Variants in ZNF423 observed in about 807,000 individuals in gnomAD.
ZNF423 encodes the protein Ebf-associated zinc finger protein.
In ZNF423, 12 loss-of-function variants were observed where a neutral mutation model predicts 95.8. The observed-to-expected ratio is 0.13, with a 90% CI of 0.08 to 0.20. The LOEUF is 0.20. Ranked by LOEUF, ZNF423 falls within the 10% of genes least tolerant of loss-of-function variation. The probability of loss-of-function intolerance (pLI) is 1.00; values close to 1 mark genes in which losing one functional copy is unlikely to be tolerated. For missense variants in ZNF423, 1,316 were observed against 1,737.1 expected (o/e 0.76, Z 4.31); for synonymous variants, 749 against 711.9 (o/e 1.05, Z -0.83).
intron 1 of ZNF423, among the ~76,000 whole-genome samples, chr16:49,794,178 G>A (rs1334773521): frequency 6.6e-6 from 1 of 151,998 alleles, no homozygotes; most frequent in Non-Finnish European, 1.5e-5. Context: ...TGGAGCCACA[G>A]GCACATGCCA....
At chr16:49,662,710 A>G (rs907833253) in intron 3 of ZNF423, among the ~76,000 whole-genome samples, 4 of 152,206 alleles carry the variant, frequency 2.6e-5, no homozygotes, top group Non-Finnish European at 4.4e-5. Flanking sequence ...CACTCTGGAC[A>G]GGTGACAAGG....
chr16:49,607,555 G>A (rs1971578881), intron 5 of ZNF423, among the ~76,000 whole-genome samples: 1 of 152,188 alleles, frequency 6.6e-6, no homozygotes, highest in Non-Finnish European at 1.5e-5. Flanking sequence ...CTTTAAAAGA[G>A]CAGCCCACGG....
chr16:49,502,594 C>A (rs1248940535), intron 7 of ZNF423, among the ~76,000 whole-genome samples: 2 of 151,948 alleles, frequency 1.3e-5, no homozygotes, highest in Non-Finnish European at 2.9e-5. Context: ...CCATAAGTAA[C>A]CCCCACACCT....
intron 6 of ZNF423, among the ~76,000 whole-genome samples, chr16:49,524,434 G>A (rs1042993149): frequency 2.6e-5 from 4 of 152,236 alleles, no homozygotes; most frequent in Admixed American, 6.5e-5. Flanking sequence ...GCCTCAGAGT[G>A]TGGCAGTGAC....
chr16:49,848,137 A>G (rs953043730), intron 1 of ZNF423, among the ~76,000 whole-genome samples: 3 of 152,084 alleles, frequency 2.0e-5, no homozygotes, highest in African/African-American at 7.2e-5. Context: ...TAAGATGGTA[A>G]ATTTTAAGTT....
At chr16:49,497,915 C>T (rs976211804) in intron 7 of ZNF423, among the ~76,000 whole-genome samples, 1 of 152,218 alleles carries the variant, frequency 6.6e-6, no homozygotes, top group Admixed American at 6.5e-5. Flanking sequence ...AAGTGAGGCA[C>T]AATCCTGGCC....
chr16:49,576,772 C>T (rs1970513503), intron 5 of ZNF423, among the ~76,000 whole-genome samples: 1 of 152,210 alleles, frequency 6.6e-6, no homozygotes, highest in African/African-American at 2.4e-5. Flanking sequence ...TCCATTGGCA[C>T]TGGGTGTGAT....
intron 1 of ZNF423, among the ~76,000 whole-genome samples, chr16:49,817,009 T>A (rs1178841290): frequency 1.3e-5 from 2 of 152,184 alleles, no homozygotes; most frequent in Non-Finnish European, 2.9e-5. Flanking sequence ...TGTGTCTATT[T>A]TAGATAAGAA....
At chr16:49,811,399 G>A (rs1023302840) in intron 1 of ZNF423, among the ~76,000 whole-genome samples, 3 of 152,094 alleles carry the variant, frequency 2.0e-5, no homozygotes, top group East Asian at 1.9e-4. Flanking sequence ...AACACTGGGG[G>A]TGGAGGAGAC....
In ZNF423 at chr16:49,815,898, ATATATATATATATATATTTTTTT is replaced by A. The variant is rs1195422431; in HGVS notation, c.41-26375_41-26353del. On this transcript the variant is annotated intron_variant, in intron 1 of 7. Coordinates refer to ENST00000563137, the MANE Select transcript of ZNF423 (RefSeq NM_001379286.1). ...AAAAAAAAAATATATATATATATAT[ATATATATATATATATATTTTTTT>A]TTTTTTTTTTTTTTTGAGACAAAGT... 4.0e-4 allele frequency among the ~76,000 whole-genome samples: 19 copies of A among 47,776 alleles called. 1 individual carries two copies. The highest frequency in any genetic ancestry group is 1.5e-3 in the African/African-American group (16 of 10,614). 31.3% of individuals were successfully genotyped at this position (47,776 alleles called of 152,430 possible).
At chr16:49,648,543 T>C (rs1019478649) in intron 3 of ZNF423, among the ~76,000 whole-genome samples, 7 of 151,560 alleles carry the variant, frequency 4.6e-5, no homozygotes, top group African/African-American at 1.7e-4. Flanking sequence ...TCCCAGCTAT[T>C]CAGGAGGCTG....
chr16:49,839,038 C>A (rs1347607185), intron 1 of ZNF423, among the ~76,000 whole-genome samples: 1 of 150,674 alleles, frequency 6.6e-6, no homozygotes, highest in Non-Finnish European at 1.5e-5. Flanking sequence ...CTGATTTTCC[C>A]CGCCTCTTCC....
intron 2 of ZNF423, among the ~76,000 whole-genome samples, chr16:49,777,052 A>T (rs1262062975): frequency 6.6e-6 from 1 of 151,786 alleles, no homozygotes; most frequent in East Asian, 1.9e-4. Flanking sequence ...GTGTGAACAC[A>T]CTCCTGTATG....
In ZNF423 at chr16:49,824,503, A is replaced by T. The variant is rs565578124; in HGVS notation, c.40+31232T>A. ...TGCTGTTGCTAAGTGGTCTCAGGCC[A>T]GGAGAGAGAGCTACAGAGATGCTAC... On this transcript the variant is annotated intron_variant, in intron 1 of 7. Coordinates refer to ENST00000563137, the MANE Select transcript of ZNF423 (RefSeq NM_001379286.1). Among the ~76,000 whole-genome samples, 3 of 152,284 alleles carry T rather than the reference A, an allele frequency of 2.0e-5. No individual in the cohort carries two copies. The East Asian group carries it at 5.8e-4, about 30-fold the overall frequency.
intron 5 of ZNF423, among the ~76,000 whole-genome samples, chr16:49,548,636 C>T (rs1020474750): frequency 5.3e-5 from 8 of 152,120 alleles, no homozygotes; most frequent in East Asian, 1.9e-4. Flanking sequence ...GGGAGAGAGA[C>T]GGGGAAGGCG....
At chr16:49,623,590 C>T (rs773477068) in intron 5 of ZNF423, among the ~76,000 whole-genome samples, 1 of 152,250 alleles carries the variant, frequency 6.6e-6, no homozygotes, top group Admixed American at 6.5e-5. Context: ...CCTGACACTC[C>T]GTGAAAGGAC....
rs576730108 is a variant in ZNF423, at chr16:49,586,092, C to T, written c.3601+40078G>A. The stretch of plus-strand genomic sequence containing the variant: ...CTGGCACAACACAACCAAACAGCAA[C>T]GAAAGAGCACTGCTAACTCTCCTGG... On this transcript the variant is annotated intron_variant, in intron 5 of 7. Coordinates refer to ENST00000563137, the MANE Select transcript of ZNF423 (RefSeq NM_001379286.1). 5.9e-5 allele frequency among the ~76,000 whole-genome samples: 9 copies of T among 152,284 alleles called. 1 individual carries two copies. Among genetic ancestry groups the T allele is most frequent in the East Asian group, 3.9e-4 (2 of 5,176 alleles).
chr16:49,857,916 A>G (rs1042708451), upstream of ZNF423: 1 of 151,984 alleles, frequency 6.6e-6, no homozygotes, highest in Admixed American at 6.5e-5. This position sits in a 1 kb window ranked among gnomAD's most constrained non-coding sequence, Gnocchi z 6.2. Flanking sequence ...CTGACTTGGG[A>G]AAAGTCTTCC....
intron 1 of ZNF423, among the ~76,000 whole-genome samples, chr16:49,815,899 TATATATATATATA>T (rs2034840785): frequency 2.0e-5 from 1 of 49,484 alleles, no homozygotes; most frequent in Non-Finnish European, 3.8e-5. Flanking sequence ...TATATATATA[TATATATATATATA>T]TATTTTTTTT....
Sources: allele counts gnomAD v4.1 joint callset (sites outside exome capture counted in the v4.1 genomes callset), GRCh38; gene constraint gnomAD v4.1.1; non-coding constraint Gnocchi (gnomAD v3.1); transcripts MANE v1.5; gene names NCBI Gene and HGNC (gene_info 2026-07-23, HGNC 2026-07-21).